The following YY1 variants were observed in gnomAD, a reference collection of about 807,000 sequenced individuals.
The protein encoded by YY1 is YY1 transcription factor, also known as transcriptional repressor protein YY1.
Under a neutral mutation model 35.6 loss-of-function variants are expected in YY1, and 2 were observed. The observed-to-expected ratio is 0.06, with a 90% CI of 0.02 to 0.18. The LOEUF (loss-of-function observed/expected upper bound fraction) is 0.18, where lower values mean the gene tolerates loss of function less well. Among genes scored for constraint, YY1 ranks in the 10% least tolerant of loss-of-function variants. The probability of loss-of-function intolerance (pLI) is 1.00; values close to 1 mark genes in which losing one functional copy is unlikely to be tolerated. For synonymous variants in YY1, 268 were observed against 238.9 expected (o/e 1.12, Z -1.12); for missense variants, 322 against 573.4 (o/e 0.56, Z 4.48).
At chr14:100,254,811 C>T (rs1308717317) in intron 1 of YY1, among the ~76,000 whole-genome samples, 4 of 148,226 alleles carry the variant, frequency 2.7e-5, no homozygotes, top group East Asian at 2.0e-4. Context: ...CTCACAGTGT[C>T]GCCCGGGCTA....
At position 100,250,546 on chromosome 14, in the gene YY1, C is replaced by G. The variant is rs1048426212; in HGVS notation, c.679+10623C>G. On this transcript the variant is annotated intron_variant, in intron 1 of 4. Transcript: ENST00000262238. ...CAACCCTAATGAGGTTACTGGCAGT[C>G]AAAATTAAAAAAAAAGGAACTTATA... 2.0e-5 allele frequency among the ~76,000 whole-genome samples: 3 copies of G among 150,892 alleles called. No individual in the cohort carries two copies. In the East Asian group the frequency reaches 5.8e-4, roughly 29 times the overall value.
intron 2 of YY1, among the ~76,000 whole-genome samples, chr14:100,262,992 C>G (rs1366132384): frequency 6.6e-6 from 1 of 152,184 alleles, no homozygotes; most frequent in Non-Finnish European, 1.5e-5. Flanking sequence ...ACTGCAACCT[C>G]CACCTCCCTG....
At chr14:100,248,114 T>TTTTTTC (rs2139572274) in intron 1 of YY1, among the ~76,000 whole-genome samples, 2 of 99,696 alleles carry the variant, frequency 2.0e-5, no homozygotes, top group African/African-American at 9.5e-5. Flanking sequence ...CCGGCTAATT[T>TTTTTTC]TTTTTTCTTT....
At chr14:100,256,929 T>C (rs1891013882) in intron 1 of YY1, among the ~76,000 whole-genome samples, 1 of 152,148 alleles carries the variant, frequency 6.6e-6, no homozygotes, top group Admixed American at 6.5e-5. Context: ...GCTGTACTAG[T>C]TGATTCCTGA....
At chr14:100,249,100 A>ATTT (rs60088505) in intron 1 of YY1, among the ~76,000 whole-genome samples, 1,603 of 46,800 alleles carry the variant, frequency 0.034, 207 homozygotes, top group Non-Finnish European at 0.048. Flanking sequence ...TTCTCGTGTA[A>ATTT]TTTTTTTTTT....
At chr14:100,259,820 A>G (rs551982642) in intron 1 of YY1, among the ~76,000 whole-genome samples, 14 of 152,320 alleles carry the variant, frequency 9.2e-5, no homozygotes, top group African/African-American at 3.1e-4. Flanking sequence ...AATAGAAGGT[A>G]AGACCAGGTA....
chr14:100,265,418 C>T (rs1232092681), intron 2 of YY1: 1 of 152,244 alleles, frequency 6.6e-6, no homozygotes, highest in Admixed American at 6.6e-5. Flanking sequence ...AAAAAAACTA[C>T]AAAAGATAAT....
intron 2 of YY1, among the ~76,000 whole-genome samples, chr14:100,272,295 CAA>C (rs11314810): frequency 0.079 from 10,131 of 128,678 alleles, 435 homozygotes; most frequent in African/African-American, 0.15. Context: ...GACTCTGTCT[CAA>C]AAAAAAAAAA....
In YY1 at chr14:100,265,727, G is replaced by A. The variant is rs137987102; in HGVS notation, c.842+3261G>A. 6.3e-3 allele frequency among the ~76,000 whole-genome samples: 902 copies of A among 143,888 alleles called. 11 individuals are homozygous for A. The highest frequency in any genetic ancestry group is 0.042 in the East Asian group (198 of 4,750). The allele number at this position is 143,888 out of a possible 152,430, so 94.4% of individuals were successfully genotyped here. A position where few individuals can be genotyped will look rare whatever the true frequency, so the allele number is the denominator to read the frequency against. On this transcript the variant is annotated intron_variant, in intron 2 of 4. Coordinates refer to ENST00000262238, the MANE Select transcript of YY1 (RefSeq NM_003403.5). ...TGCAGTGGCACGACCTCGGCTCACT[G>A]CAGCCTCTTCCACCCGGGTTCAAGT...
chr14:100,239,593 G>A lies in YY1; in HGVS notation c.349G>A (p.Asp117Asn). The A allele has an allele frequency of 6.2e-7, 1 of 1,612,516 alleles. No individual in the cohort carries two copies. Among genetic ancestry groups the A allele is most frequent in the Non-Finnish European group, 8.5e-7 (1 of 1,179,674 alleles). Residue 117 changes from aspartate to asparagine, a missense_variant, in exon 1 of 5, where the codon GAC becomes AAC. By Grantham distance (23) the Asp-to-Asn change is conservative. This residue lies in a region of YY1 where 7 missense variants were observed against 26.7 expected (regional missense o/e 0.26). Coordinates refer to ENST00000262238, the MANE Select transcript of YY1 (RefSeq NM_003403.5). ...GCGCGAGGAGGTGGTGGGCGGCGAC[G>A]ACTCGGACGGGCTGCGCGCCGAGGA... Reference protein sequence around the residue: ...QTREEVVGGDDSDGLRAEDGF... With the variant: ...QTREEVVGGDNSDGLRAEDGF...
rs1212458581 is a variant in YY1, at chr14:100,279,561, C to G, written c.*1961C>G. ...CCAGCTGTTTTCTGGGTAAGCCAGG[C>G]TTTGCTGTATCTGGCAGTCAGGAGA... is the stretch of plus-strand genomic sequence containing the variant. On this transcript the variant is annotated 3_prime_UTR_variant, in exon 5 of 5. Coordinates refer to ENST00000262238, the MANE Select transcript of YY1 (RefSeq NM_003403.5). The G allele has an allele frequency of 1.3e-5, 2 of 152,260 alleles. No homozygotes were observed. Among genetic ancestry groups the G allele is most frequent in the African/African-American group, 4.8e-5 (2 of 41,472 alleles). 9.4% of individuals were successfully genotyped at this position (152,260 alleles called of 1,614,324 possible).
Position 100,249,224 on chromosome 14 carries a change from G to A in YY1, c.679+9301G>A, listed in dbSNP as rs139483428. Among the ~76,000 whole-genome samples, 781 of 141,712 alleles carry A rather than the reference G, an allele frequency of 5.5e-3. 8 individuals are homozygous for A. Among genetic ancestry groups the A allele is most frequent in the African/African-American group, 0.019 (736 of 38,358 alleles). The allele number at this position is 141,712 out of a possible 152,430, so 93.0% of individuals were successfully genotyped here. Reference sequence around the variant, plus strand: ...CAACCTTCACCTCCTGGGTTCAAGCGATTCTCCTGCCTCAGCCTCCTGAGT... The same window carrying A: ...CAACCTTCACCTCCTGGGTTCAAGCAATTCTCCTGCCTCAGCCTCCTGAGT... On this transcript the variant is annotated intron_variant, in intron 1 of 4. Transcript: ENST00000262238.
chr14:100,254,004 T>A (rs574835096), intron 1 of YY1, among the ~76,000 whole-genome samples: 142 of 152,002 alleles, frequency 9.3e-4, no homozygotes, highest in African/African-American at 1.4e-3. Flanking sequence ...ATCTTTTTTT[T>A]TATATATTTT....
At chr14:100,240,959 TAGAA>T (rs1026719156) in intron 1 of YY1, among the ~76,000 whole-genome samples, 11 of 152,332 alleles carry the variant, frequency 7.2e-5, no homozygotes, top group Middle Eastern at 3.4e-3. Flanking sequence ...AGAACGATAA[TAGAA>T]AGCGGGTTTT....
At chr14:100,245,633 G>A (rs149948378) in intron 1 of YY1, among the ~76,000 whole-genome samples, 1,622 of 151,804 alleles carry the variant, frequency 0.011, 35 homozygotes, top group African/African-American at 0.037. Context: ...TTGAAACGGA[G>A]TCTCGCTTTG....
intron 1 of YY1, among the ~76,000 whole-genome samples, chr14:100,245,082 G>A (rs866841086): frequency 1.2e-4 from 19 of 152,020 alleles, no homozygotes; most frequent in East Asian, 7.8e-4. Context: ...AACTACAGGC[G>A]CCCGCTGCCA....
chr14:100,245,006 G>A (rs934674605), intron 1 of YY1, among the ~76,000 whole-genome samples: 1 of 151,452 alleles, frequency 6.6e-6, no homozygotes, highest in Non-Finnish European at 1.5e-5. Context: ...GCACGATCTC[G>A]GCTCACTGCA....
In YY1 at chr14:100,279,434, G is replaced by A. The variant is rs547019250; in HGVS notation, c.*1834G>A. The stretch of plus-strand genomic sequence containing the variant: ...TCTGTGGAATTTTGAAGTGCCTTTT[G>A]TGAATCATGAATGAAACATTTAACT... On this transcript the variant is annotated 3_prime_UTR_variant, in exon 5 of 5. Coordinates refer to ENST00000262238, the MANE Select transcript of YY1 (RefSeq NM_003403.5). 5 of 152,366 alleles carry A rather than the reference G, an allele frequency of 3.3e-5. 1 individual carries two copies. In the South Asian group the frequency reaches 1.0e-3, roughly 32 times the overall value. 9.4% of individuals were successfully genotyped at this position (152,366 alleles called of 1,614,324 possible).
chr14:100,254,978 TA>T (rs1890983790), intron 1 of YY1, among the ~76,000 whole-genome samples: 2 of 135,204 alleles, frequency 1.5e-5, no homozygotes, highest in African/African-American at 2.8e-5. Context: ...TTGGTATTTT[TA>T]GTAGTGACGG....
Sources: gnomAD v4.1 joint callset for allele counts (sites outside exome capture counted in the v4.1 genomes callset) on GRCh38, gnomAD v4.1.1 for gene constraint, gnomAD v4.1.1 regional missense constraint, MANE v1.5 for transcripts, NCBI Gene and HGNC (gene_info 2026-07-23, HGNC 2026-07-21) for gene names.